INPP5D: variants seen among roughly 807,000 people sequenced by gnomAD.
INPP5D encodes the protein inositol polyphosphate-5-phosphatase D.
A neutral mutation model predicts 122.9 loss-of-function variants in INPP5D; 33 were observed. The observed-to-expected ratio is 0.27, with a 90% CI of 0.20 to 0.36. INPP5D has a LOEUF of 0.36. Among genes scored for constraint, INPP5D ranks in the 10% least tolerant of loss-of-function variants. INPP5D has a pLI of 1.00. For synonymous variants in INPP5D, 584 were observed against 576.2 expected (o/e 1.01, Z -0.19); for missense variants, 1,053 against 1,412.7 (o/e 0.75, Z 4.08).
At chr2:233,080,645 G>GTTGA (rs1691660185) in intron 2 of INPP5D, among the ~76,000 whole-genome samples, 1 of 152,152 alleles carries the variant, frequency 6.6e-6, no homozygotes. Context: ...GGGAGAGGCA[G>GTTGA]GGTACACTCT....
chr2:233,204,738 G>A, intron 26 of INPP5D, 21 bp downstream of exon 26: 2 of 1,471,980 alleles, frequency 1.4e-6, no homozygotes, highest in Non-Finnish European at 1.8e-6. Flanking sequence ...CCACACGTGG[G>A]TTCGTGTGCA....
intron 2 of INPP5D, among the ~76,000 whole-genome samples, chr2:233,101,669 ATATT>A (rs1692316905): frequency 6.9e-6 from 1 of 144,470 alleles, no homozygotes. Flanking sequence ...TAGATATTAT[ATATT>A]ACATATTATA....
chr2:233,114,400 T>C (rs1299423784), intron 2 of INPP5D, among the ~76,000 whole-genome samples: 1 of 152,124 alleles, frequency 6.6e-6, no homozygotes, highest in African/African-American at 2.4e-5. Context: ...AGGAAAGCAT[T>C]TCAGGGGTTG....
Position 233,137,853 on chromosome 2 carries a change from A to AATATAT in INPP5D, c.666-1949_666-1944dup. The stretch of plus-strand genomic sequence containing the variant: ...ATCACAAAAAAAAAAAAAAAAAAAA[A>AATATAT]ATATATATATATATATATATATATA... On this transcript the variant is annotated intron_variant, in intron 5 of 26. Transcript: ENST00000445964. 2.5e-4 allele frequency among the ~76,000 whole-genome samples: 7 copies of AATATAT among 27,730 alleles called. No individual in the cohort carries two copies. In the East Asian group the frequency reaches 3.6e-3, roughly 14 times the overall value. 18.2% of individuals were successfully genotyped at this position (27,730 alleles called of 152,430 possible).
rs1328060213 is a variant in INPP5D at position 233,105,276 on chromosome 2, T to G, written c.199-16831T>G. On this transcript the variant is annotated intron_variant, in intron 2 of 26. Coordinates refer to ENST00000445964, the MANE Select transcript of INPP5D (RefSeq NM_001017915.3). The surrounding 1 kb of genome is among the most constrained non-coding windows in gnomAD (Gnocchi z 4.0). Reference sequence around the variant, plus strand: ...TGCGCTCTCTGTAAGAACCTGGCTATGGTTGGAAACCGTCATTTCTATCTA... The same window carrying G: ...TGCGCTCTCTGTAAGAACCTGGCTAGGGTTGGAAACCGTCATTTCTATCTA... 1.3e-5 allele frequency among the ~76,000 whole-genome samples: 2 copies of G among 152,036 alleles called. No individual in the cohort carries two copies. Among genetic ancestry groups the G allele is most frequent in the African/African-American group, 2.4e-5 (1 of 41,378 alleles).
intron 2 of INPP5D, among the ~76,000 whole-genome samples, chr2:233,116,969 G>A (rs1350563351): frequency 1.3e-5 from 2 of 152,206 alleles, no homozygotes; most frequent in African/African-American, 4.8e-5. Flanking sequence ...CAGGCTTCCT[G>A]TGTTGTGCTC....
chr2:233,126,211 A>G (rs1269366209), intron 4 of INPP5D, among the ~76,000 whole-genome samples: 1 of 152,234 alleles, frequency 6.6e-6, no homozygotes, highest in Non-Finnish European at 1.5e-5. Flanking sequence ...TATGTGCTAC[A>G]TTAATTAATA....
At chr2:233,127,701 C>T (rs558010162) in intron 4 of INPP5D, among the ~76,000 whole-genome samples, 5 of 152,316 alleles carry the variant, frequency 3.3e-5, no homozygotes, top group South Asian at 2.1e-4. Flanking sequence ...CTCCCCCTCC[C>T]GGGTTCAAGT....
At position 233,135,045 on chromosome 2, in the gene INPP5D, T is replaced by C. The variant is rs147423106; in HGVS notation, c.665+4397T>C. 4.2e-4 allele frequency among the ~76,000 whole-genome samples: 64 copies of C among 152,030 alleles called. 1 individual carries two copies. The highest frequency in any genetic ancestry group is 3.3e-3 in the Admixed American group (50 of 15,274). On this transcript the variant is annotated intron_variant, in intron 5 of 26. Transcript: ENST00000445964. Reference sequence around the variant, plus strand: ...GGTGCTACCTGTAGCTGGCAGGATATGTTCTTGAAGAAGTAGGAAAAAATT... The same window carrying C: ...GGTGCTACCTGTAGCTGGCAGGATACGTTCTTGAAGAAGTAGGAAAAAATT...
chr2:233,085,977 A>T (rs1011563007), intron 2 of INPP5D, among the ~76,000 whole-genome samples: 6 of 152,194 alleles, frequency 3.9e-5, no homozygotes, highest in Admixed American at 1.3e-4. Context: ...TCTAGAACTA[A>T]CATCAACATG....
rs780168077 is a variant in INPP5D, at chr2:233,204,359, G to A, written c.3209G>A (p.Arg1070His). The change falls in exon 26 of 27, where the codon CGC becomes CAC. Residue 1070 changes from arginine to histidine, a missense_variant. By Grantham distance (29) the Arg-to-His change is conservative (BLOSUM62 0). This residue lies in a region of INPP5D where 417 missense variants were observed against 425.8 expected (regional missense o/e 0.98). Coordinates refer to ENST00000445964, the MANE Select transcript of INPP5D (RefSeq NM_001017915.3). ...IVLTKAQEAD[R>H]GEGPGKQVPA... is the part of the protein sequence containing the mutation. The stretch of plus-strand genomic sequence containing the variant: ...CTCACCAAAGCCCAGGAGGCTGATC[G>A]CGGCGAGGGGCCCGGCAAGCAGGTG... 6 of 1,609,942 alleles carry A rather than the reference G, an allele frequency of 3.7e-6. No homozygotes were observed. Among genetic ancestry groups the A allele is most frequent in the Non-Finnish European group, 5.1e-6 (6 of 1,178,182 alleles).
intron 2 of INPP5D, among the ~76,000 whole-genome samples, chr2:233,107,491 C>G (rs573710219): frequency 5.0e-4 from 76 of 152,250 alleles, no homozygotes; most frequent in African/African-American, 1.8e-3. Flanking sequence ...TGGCTATGAA[C>G]TCAGAGAAAG....
chr2:233,200,550 A>G (rs1009463755), intron 25 of INPP5D, among the ~76,000 whole-genome samples: 2 of 152,144 alleles, frequency 1.3e-5, no homozygotes, highest in Non-Finnish European at 2.9e-5. Context: ...TCTCCATCAC[A>G]CTGTCCTCCA....
At chr2:233,146,052 G>T in intron 6 of INPP5D, 110 bp from the exon 7 acceptor site, 1 of 703,600 alleles carries the variant, frequency 1.4e-6, no homozygotes, top group Non-Finnish European at 2.6e-6. Context: ...GAACTTGTGG[G>T]GCTGCGGGGA....
chr2:233,097,817 T>A (rs1440507016), intron 2 of INPP5D, among the ~76,000 whole-genome samples: 1 of 152,104 alleles, frequency 6.6e-6, no homozygotes, highest in Non-Finnish European at 1.5e-5. Context: ...GTTGTTCTGA[T>A]CTGTTTTGTG....
At chr2:233,158,460 G>C in intron 10 of INPP5D, 41 bp downstream of exon 10, 1 of 685,322 alleles carries the variant, frequency 1.5e-6, no homozygotes, top group South Asian at 1.6e-5. Context: ...GTGAGGTAGG[G>C]AGGGGACACA....
chr2:233,199,231 C>CCGTCT, intron 25 of INPP5D, among the ~76,000 whole-genome samples: 1 of 142,670 alleles, frequency 7.0e-6, no homozygotes, highest in Non-Finnish European at 1.6e-5. Flanking sequence ...GAACGAGACT[C>CCGTCT]CATAAAAATG....
Position 233,171,086 on chromosome 2 carries a change from C to T in INPP5D, c.1923C>T (p.Ala641=). 6.2e-7 allele frequency: 1 copy of T among 1,613,674 alleles called. No individual in the cohort carries two copies. Among genetic ancestry groups the T allele is most frequent in the Non-Finnish European group, 8.5e-7 (1 of 1,179,836 alleles). Reference sequence around the variant, plus strand: ...CAGAGGAGGAAGAAATCACGTTTGCCCCAACCTACCGTTTTGAGAGACTGA... The same window carrying T: ...CAGAGGAGGAAGAAATCACGTTTGCTCCAACCTACCGTTTTGAGAGACTGA... ...LHFEEEEITF[A]PTYRFERLTR... The change falls in exon 17 of 27, where the codon GCC becomes GCT. Residue 641 remains alanine (A), a synonymous_variant. Transcript: ENST00000445964.
chr2:233,172,791 C>G (rs956806959), intron 17 of INPP5D, among the ~76,000 whole-genome samples: 5 of 152,150 alleles, frequency 3.3e-5, no homozygotes, highest in Admixed American at 6.5e-5. Context: ...GATGGTGTGG[C>G]CTATTGATCC....
Sources: gnomAD v4.1 joint callset for allele counts (sites outside exome capture counted in the v4.1 genomes callset) on GRCh38, gnomAD v4.1.1 for gene constraint, gnomAD v4.1.1 regional missense constraint, Gnocchi (gnomAD v3.1) non-coding constraint, MANE v1.5 for transcripts, NCBI Gene and HGNC (gene_info 2026-07-23, HGNC 2026-07-21) for gene names.